The following RAB38 variants were observed in gnomAD, a reference collection of about 807,000 sequenced individuals.
RAB38 encodes the protein ras-related protein Rab-38.
RAB38 carries 15 observed loss-of-function variants against 18.4 expected under a neutral mutation model. The ratio of observed to expected loss-of-function variants is 0.82; its 90% CI spans 0.55 to 1.26. The LOEUF (loss-of-function observed/expected upper bound fraction) is 1.26, where lower values mean the gene tolerates loss of function less well. Among genes scored for constraint, RAB38 ranks in the 50% most tolerant of loss-of-function variants. The probability of loss-of-function intolerance (pLI) is 0.00; values close to 1 mark genes in which losing one functional copy is unlikely to be tolerated. For missense variants in RAB38, 294 were observed against 267.4 expected (o/e 1.10, Z -0.69); for synonymous variants, 101 against 104.4 (o/e 0.97, Z 0.20).
chr11:88,154,936 C>T (rs1943107066), intron 1 of RAB38, among the ~76,000 whole-genome samples: 1 of 152,236 alleles, frequency 6.6e-6, no homozygotes, highest in South Asian at 2.1e-4. Context: ...AGCCATCCCA[C>T]CCCTCCTGTG....
chr11:88,015,882 G>A, the RAB38 span, among the ~76,000 whole-genome samples: 3 of 152,124 alleles, frequency 2.0e-5, no homozygotes, highest in African/African-American at 4.8e-5. Context: ...AAAATGTTAA[G>A]ACTTTAACAC....
At chr11:87,946,360 C>T in the RAB38 span, among the ~76,000 whole-genome samples, 5 of 152,110 alleles carry the variant, frequency 3.3e-5, no homozygotes, top group Admixed American at 2.0e-4. Context: ...GATTTGAAAA[C>T]CATTAGAGGC....
At chr11:88,073,665 T>C in the RAB38 span, among the ~76,000 whole-genome samples, 1 of 152,052 alleles carries the variant, frequency 6.6e-6, no homozygotes, top group Admixed American at 6.5e-5. Context: ...ATTGTGATTT[T>C]CTCAAATGCA....
chr11:88,105,552 G>A, the RAB38 span, among the ~76,000 whole-genome samples: 1 of 152,120 alleles, frequency 6.6e-6, no homozygotes, highest in African/African-American at 2.4e-5. Context: ...AGATTCAGAT[G>A]GGATCTTCAT....
At chr11:88,132,094 T>C (rs1942773030) in intron 2 of RAB38, among the ~76,000 whole-genome samples, 1 of 152,220 alleles carries the variant, frequency 6.6e-6, no homozygotes. Flanking sequence ...ATCTTGGTTT[T>C]AGCATGATAA....
chr11:88,161,729 A>G (rs1943191287), intron 1 of RAB38, among the ~76,000 whole-genome samples: 1 of 152,092 alleles, frequency 6.6e-6, no homozygotes, highest in African/African-American at 2.4e-5. Context: ...TAAATAATCA[A>G]TAGATTGTTA....
chr11:88,149,926 C>T lies in RAB38; in HGVS notation c.232G>A (p.Val78Ile), dbSNP rs985704446. ...GCACCCATAGCTTCTCGGTAATAGA[C>T]CCTCGTCATGTTTCCAAATCTTTCT... Reference protein sequence around the residue: ...GQERFGNMTRVYYREAMGAFI... With the variant: ...GQERFGNMTRIYYREAMGAFI... Residue 78 changes from valine to isoleucine, a missense_variant, in exon 2 of 3, where the codon GTC becomes ATC. Val to Ile is a conservative substitution (Grantham distance 29). Transcript: ENST00000243662. 1.9e-6 allele frequency: 3 copies of T among 1,613,048 alleles called. No homozygotes were observed. The highest frequency in any genetic ancestry group is 2.2e-5 in the East Asian group (1 of 44,886).
At chr11:87,836,187 A>C in the RAB38 span, among the ~76,000 whole-genome samples, 1 of 152,208 alleles carries the variant, frequency 6.6e-6, no homozygotes, top group Non-Finnish European at 1.5e-5. Flanking sequence ...TTGTCATGCT[A>C]AAGTCTTTAT....
intron 1 of RAB38, among the ~76,000 whole-genome samples, chr11:88,164,370 G>A (rs1943223721): frequency 6.6e-6 from 1 of 151,112 alleles, no homozygotes; most frequent in Non-Finnish European, 1.5e-5. Context: ...CTATTAGCTT[G>A]AGGTAGTTCA....
chr11:88,053,835 CA>C, the RAB38 span, among the ~76,000 whole-genome samples: 1 of 149,810 alleles, frequency 6.7e-6, no homozygotes, highest in Non-Finnish European at 1.5e-5. Context: ...AGTCACTGGC[CA>C]GGTGGAAAAG....
chr11:87,937,346 AT>A, the RAB38 span, among the ~76,000 whole-genome samples: 2 of 130,394 alleles, frequency 1.5e-5, no homozygotes, highest in Admixed American at 8.0e-5. Context: ...ATATATATAT[AT>A]ATATCATAAT....
At chr11:88,018,720 C>T in the RAB38 span, among the ~76,000 whole-genome samples, 1 of 152,128 alleles carries the variant, frequency 6.6e-6, no homozygotes, top group Non-Finnish European at 1.5e-5. Context: ...ATATAACCTC[C>T]ATATACATAC....
chr11:87,936,526 A>C, the RAB38 span, among the ~76,000 whole-genome samples: 1 of 151,964 alleles, frequency 6.6e-6, no homozygotes, highest in Admixed American at 6.6e-5. Flanking sequence ...GCCCTGACAC[A>C]CTCCATCCAT....
intron 2 of RAB38, among the ~76,000 whole-genome samples, chr11:88,131,731 T>C (rs919901021): frequency 6.6e-5 from 10 of 152,238 alleles, no homozygotes; most frequent in African/African-American, 2.4e-4. Context: ...CTAATTCTAA[T>C]GTTCCCAAGA....
the RAB38 span, among the ~76,000 whole-genome samples, chr11:87,888,155 T>A: frequency 6.6e-6 from 1 of 152,096 alleles, no homozygotes; most frequent in East Asian, 2.0e-4. Context: ...CTAAGTGGTT[T>A]GCTGACAAAG....
the RAB38 span, among the ~76,000 whole-genome samples, chr11:87,832,252 A>G: frequency 3.3e-5 from 5 of 152,208 alleles, no homozygotes; most frequent in African/African-American, 1.2e-4. Context: ...TGATATTAAT[A>G]TGTAAATATA....
the RAB38 span, among the ~76,000 whole-genome samples, chr11:87,866,841 G>C: frequency 6.6e-6 from 1 of 151,872 alleles, no homozygotes; most frequent in African/African-American, 2.4e-5. Context: ...TGAACATAGA[G>C]AGTCAGGAAA....
chr11:88,132,631 G>A (rs192993875), intron 2 of RAB38, among the ~76,000 whole-genome samples: 1 of 151,868 alleles, frequency 6.6e-6, no homozygotes, highest in East Asian at 1.9e-4. Flanking sequence ...CTAATTTTTT[G>A]TATTTTTAGT....
the RAB38 span, among the ~76,000 whole-genome samples, chr11:88,075,746 T>C: frequency 1.3e-5 from 2 of 152,084 alleles, no homozygotes; most frequent in Non-Finnish European, 2.9e-5. Context: ...CCAGGCATGG[T>C]GGTGCATGCC....
Sources: gnomAD v4.1 joint callset for allele counts (sites outside exome capture counted in the v4.1 genomes callset) on GRCh38, gnomAD v4.1.1 for gene constraint, MANE v1.5 for transcripts, NCBI Gene and HGNC (gene_info 2026-07-23, HGNC 2026-07-21) for gene names.